Variants in EEA1 observed in about 807,000 individuals in gnomAD.
The protein encoded by EEA1 is early endosome antigen 1.
In EEA1, 111 loss-of-function variants were observed where a neutral mutation model predicts 209.2. The observed-to-expected ratio is 0.53, with a 90% CI of 0.45 to 0.62. The LOEUF (loss-of-function observed/expected upper bound fraction) is 0.62. EEA1 is among the 20% of genes least tolerant of loss of function. The probability of loss-of-function intolerance (pLI) is 0.00; values close to 1 mark genes in which losing one functional copy is unlikely to be tolerated. For missense variants in EEA1, 1,343 were observed against 1,530.8 expected (o/e 0.88, Z 2.05); for synonymous variants, 536 against 540.6 (o/e 0.99, Z 0.12).
chr12:92,829,791 A>AAC (rs1555202235), intron 11 of EEA1, among the ~76,000 whole-genome samples: 2 of 140,994 alleles, frequency 1.4e-5, no homozygotes, highest in Non-Finnish European at 3.1e-5. Context: ...AAAAAAAAAA[A>AAC]AAAAACAAAA....
At chr12:92,844,281 T>A (rs528864215) in intron 9 of EEA1, among the ~76,000 whole-genome samples, 83 of 152,272 alleles carry the variant, frequency 5.5e-4, no homozygotes, top group African/African-American at 1.9e-3. Context: ...AAAATAAGTT[T>A]CAAAAATGCT....
chr12:92,807,870 A>C (rs1875291503), intron 18 of EEA1, among the ~76,000 whole-genome samples: 1 of 152,142 alleles, frequency 6.6e-6, no homozygotes, highest in African/African-American at 2.4e-5. Flanking sequence ...GTTTCAAGGG[A>C]ATTCTAATCA....
intron 3 of EEA1, 119 bp downstream of exon 3, chr12:92,864,741 C>T (rs1187774223): frequency 2.0e-5 from 20 of 1,004,970 alleles, no homozygotes; most frequent in Non-Finnish European, 2.7e-5. Context: ...TAAATGATGA[C>T]AGATTTAAAT....
intron 14 of EEA1, among the ~76,000 whole-genome samples, chr12:92,818,734 G>A (rs1481158299): frequency 6.6e-6 from 1 of 152,052 alleles, no homozygotes; most frequent in Middle Eastern, 3.2e-3. Flanking sequence ...AAAAGCAACT[G>A]TAAATTCTTT....
intron 1 of EEA1, among the ~76,000 whole-genome samples, chr12:92,923,311 G>A (rs976193813): frequency 3.9e-5 from 6 of 152,110 alleles, no homozygotes; most frequent in Non-Finnish European, 8.8e-5. Flanking sequence ...TTGCGCCACT[G>A]CACTCCAGCC....
chr12:92,860,923 G>A (rs1878119137), intron 3 of EEA1, among the ~76,000 whole-genome samples: 1 of 150,526 alleles, frequency 6.6e-6, no homozygotes, highest in Admixed American at 6.6e-5. Flanking sequence ...GGAGGAGGAG[G>A]AAGAGGAAGA....
chr12:92,903,567 C>T (rs1036696415), intron 1 of EEA1, among the ~76,000 whole-genome samples: 28 of 150,636 alleles, frequency 1.9e-4, no homozygotes, highest in Admixed American at 3.3e-4. Context: ...CATTACACTC[C>T]AGCCTGGGCA....
chr12:92,832,956 C>A (rs1370314413), intron 10 of EEA1, 106 bp from the exon 11 acceptor site: 1 of 778,574 alleles, frequency 1.3e-6, no homozygotes, highest in African/African-American at 1.8e-5. Flanking sequence ...ACATTTTAGT[C>A]AATATTAAAA....
intron 1 of EEA1, among the ~76,000 whole-genome samples, chr12:92,894,336 C>G (rs1223963128): frequency 2.6e-5 from 4 of 151,996 alleles, no homozygotes; most frequent in Admixed American, 1.3e-4. Context: ...TCTAAGTGTT[C>G]AAGTGAAAAG....
At chr12:92,917,010 T>C (rs1246288869) in intron 1 of EEA1, among the ~76,000 whole-genome samples, 1 of 150,814 alleles carries the variant, frequency 6.6e-6, no homozygotes, top group South Asian at 2.1e-4. Context: ...GAAGATGAAA[T>C]GAATGAAATG....
chr12:92,796,302 TC>T (rs1443858863), intron 21 of EEA1, among the ~76,000 whole-genome samples: 2 of 152,112 alleles, frequency 1.3e-5, no homozygotes, highest in Admixed American at 1.3e-4. Flanking sequence ...GATCAGTAAC[TC>T]CCGAATAGTC....
At chr12:92,911,072 T>C (rs915287352) in intron 1 of EEA1, among the ~76,000 whole-genome samples, 2 of 150,634 alleles carry the variant, frequency 1.3e-5, no homozygotes, top group Non-Finnish European at 2.9e-5. Context: ...GAAGACAGTT[T>C]GGTAGTTCCT....
chr12:92,911,625 C>G (rs907881471), intron 1 of EEA1, among the ~76,000 whole-genome samples: 2 of 152,206 alleles, frequency 1.3e-5, no homozygotes, highest in African/African-American at 4.8e-5. Context: ...CTACTGTAAA[C>G]TGCAGACTCT....
intron 22 of EEA1, among the ~76,000 whole-genome samples, chr12:92,787,203 TAACAAAA>T (rs1874172190): frequency 6.6e-6 from 1 of 152,032 alleles, no homozygotes; most frequent in African/African-American, 2.4e-5. Flanking sequence ...CATTTCCCCT[TAACAAAA>T]AGAGAGACAG....
At chr12:92,777,783 CTGAT>C (rs1873722245) in intron 26 of EEA1, 120 bp from the exon 27 acceptor site, 1 of 1,278,816 alleles carries the variant, frequency 7.8e-7, no homozygotes, top group Non-Finnish European at 1.1e-6. Flanking sequence ...TTTTGACTAT[CTGAT>C]TGTTTTACAG....
chr12:92,829,470 C>T (rs1283440049), intron 11 of EEA1, among the ~76,000 whole-genome samples: 2 of 152,090 alleles, frequency 1.3e-5, no homozygotes, highest in Admixed American at 6.6e-5. Context: ...CTCACTAAAA[C>T]ATAGGCAGAT....
At chr12:92,809,664 C>CA (rs1392854706) in intron 17 of EEA1, among the ~76,000 whole-genome samples, 1 of 150,300 alleles carries the variant, frequency 6.7e-6, no homozygotes. Flanking sequence ...CACTACACTC[C>CA]AGCCTGGGCA....
chr12:92,795,044 T>C (rs1158519926), intron 21 of EEA1, among the ~76,000 whole-genome samples: 2 of 152,314 alleles, frequency 1.3e-5, no homozygotes, highest in East Asian at 1.9e-4. Context: ...ATTATAATCA[T>C]TCACAAAATC....
intron 9 of EEA1, among the ~76,000 whole-genome samples, chr12:92,845,723 A>T (rs60967930): frequency 0.019 from 2,834 of 152,218 alleles, 97 homozygotes; most frequent in African/African-American, 0.063. Flanking sequence ...TTCTATCATG[A>T]TTCAGTGTAC....
Sources: gnomAD v4.1 joint callset for allele counts (sites outside exome capture counted in the v4.1 genomes callset) on GRCh38, gnomAD v4.1.1 for gene constraint, MANE v1.5 for transcripts, NCBI Gene and HGNC (gene_info 2026-07-23, HGNC 2026-07-21) for gene names.